ACSL4: variants seen among roughly 807,000 people sequenced by gnomAD.
ACSL4 encodes the protein long-chain-fatty-acid--CoA ligase 4.
Under a neutral mutation model 49.1 loss-of-function variants are expected in ACSL4, and 9 were observed. That is an observed-to-expected ratio of 0.18 (90% CI 0.11 to 0.32). The LOEUF (loss-of-function observed/expected upper bound fraction) is 0.32. ACSL4 is among the 10% of genes least tolerant of loss of function. The pLI, the probability that ACSL4 is intolerant of heterozygous loss-of-function variation, is 1.00. For synonymous variants in ACSL4, 191 were observed against 170.3 expected (o/e 1.12, Z -0.95); for missense variants, 333 against 493.7 (o/e 0.67, Z 3.08).
rs1000723429 is a variant in ACSL4, at chrX:109,644,532, C to A, written c.1856-346G>T. 1.3e-4 allele frequency among the ~76,000 whole-genome samples: 14 copies of A among 111,957 alleles called. No individual in the cohort carries two copies. The Admixed American group carries it at 1.3e-3, about 11-fold the overall frequency. On this transcript the variant is annotated intron_variant, in intron 15 of 15. Coordinates refer to ENST00000672401, the MANE Select transcript of ACSL4 (RefSeq NM_001318510.2). ...CACACACATACACACACATCTTCCTCTTCAGAGACTTTATATTTGCCTGAG... is the reference window on the plus strand; with the variant it reads ...CACACACATACACACACATCTTCCTATTCAGAGACTTTATATTTGCCTGAG...
chrX:109,671,068 G>A (rs761037512), intron 9 of ACSL4, among the ~76,000 whole-genome samples: 5 of 111,863 alleles, frequency 4.5e-5, no homozygotes, highest in East Asian at 2.9e-4. Context: ...AGTGAGGAGC[G>A]TCTCTGCCTG....
At chrX:109,677,082 C>A (rs1253653690) in intron 8 of ACSL4, among the ~76,000 whole-genome samples, 2 of 110,043 alleles carry the variant, frequency 1.8e-5, no homozygotes, top group Non-Finnish European at 3.8e-5. Context: ...GCCTCAGCCT[C>A]CCGAGTAGCT....
At chrX:109,725,107 A>G (rs1054157631) in intron 1 of ACSL4, among the ~76,000 whole-genome samples, 2 of 108,497 alleles carry the variant, frequency 1.8e-5, no homozygotes, top group Admixed American at 2.0e-4. Context: ...TAAAGACAGG[A>G]TCTCACTCTG....
At position 109,730,242 on chromosome X, in the gene ACSL4, T is replaced by TCTTACAACAAACTA. The variant is rs1365556096; in HGVS notation, c.-66+2896_-66+2897insTAGTTTGTTGTAAG. ...GCGTATTATTTCTTACAACTATATGTGAATCTACAACTATCTCAAAATAAA... is the reference window on the plus strand; with the variant it reads ...GCGTATTATTTCTTACAACTATATGTCTTACAACAAACTAGAATCTACAACTATCTCAAAATAAA... On this transcript the variant is annotated intron_variant, in intron 1 of 15. Transcript: ENST00000672401. Among the ~76,000 whole-genome samples, 353 of 112,219 alleles carry TCTTACAACAAACTA rather than the reference T, an allele frequency of 3.1e-3. 1 individual carries two copies. The highest frequency in any genetic ancestry group is 0.011 in the African/African-American group (327 of 30,882).
chrX:109,666,430 T>C (rs892630244), intron 11 of ACSL4, among the ~76,000 whole-genome samples: 1 of 111,384 alleles, frequency 9.0e-6, no homozygotes, highest in Non-Finnish European at 1.9e-5. Context: ...GCATTGTGTA[T>C]ATGTGGGGAA....
At chrX:109,688,543 GCTCT>G (rs1262877833) in intron 2 of ACSL4, among the ~76,000 whole-genome samples, 1 of 111,102 alleles carries the variant, frequency 9.0e-6, no homozygotes, top group Non-Finnish European at 1.9e-5. Context: ...GGTGTCTATG[GCTCT>G]CTGTCTCCCA....
chrX:109,646,146 A>G (rs376110458), intron 15 of ACSL4, among the ~76,000 whole-genome samples: 1 of 111,537 alleles, frequency 9.0e-6, no homozygotes, highest in Non-Finnish European at 1.9e-5. Context: ...GCAGGCCAAC[A>G]TTCAGATTCA....
At chrX:109,650,433 A>C (rs1934967135) in intron 15 of ACSL4, among the ~76,000 whole-genome samples, 1 of 104,373 alleles carries the variant, frequency 9.6e-6, no homozygotes, top group Non-Finnish European at 2.0e-5. Flanking sequence ...AAGAACAAAA[A>C]ACCAAACACC....
intron 15 of ACSL4, among the ~76,000 whole-genome samples, chrX:109,657,756 T>C (rs1019208508): frequency 8.9e-6 from 1 of 111,813 alleles, no homozygotes; most frequent in Admixed American, 9.4e-5. Context: ...CTGGGTCAAA[T>C]GGTATTTCTA....
At chrX:109,644,416 C>T (rs1282421485) in intron 15 of ACSL4, among the ~76,000 whole-genome samples, 2 of 110,592 alleles carry the variant, frequency 1.8e-5, no homozygotes, top group African/African-American at 6.6e-5. Flanking sequence ...TTATATTTCT[C>T]AAAGTATACC....
intron 1 of ACSL4, among the ~76,000 whole-genome samples, chrX:109,701,548 CTTTTTT>C (rs751217404): frequency 2.4e-5 from 2 of 82,533 alleles, no homozygotes; most frequent in African/African-American, 8.9e-5. Context: ...TCTTCTTTTT[CTTTTTT>C]TTTTTTTTTT....
chrX:109,672,079 TAAAAAAAAA>T (rs764711316), intron 9 of ACSL4, among the ~76,000 whole-genome samples: 1 of 37,389 alleles, frequency 2.7e-5, no homozygotes, highest in Non-Finnish European at 4.6e-5. Context: ...CAATAAATAC[TAAAAAAAAA>T]AAAAAAAAAA....
chrX:109,693,307 T>C (rs1311191025), intron 2 of ACSL4, among the ~76,000 whole-genome samples: 1 of 111,823 alleles, frequency 8.9e-6, no homozygotes, highest in African/African-American at 3.2e-5. Flanking sequence ...AAATAGATCT[T>C]AGAAGTGATT....
chrX:109,675,977 A>G (rs970963727), intron 8 of ACSL4, among the ~76,000 whole-genome samples: 1 of 111,799 alleles, frequency 8.9e-6, no homozygotes, highest in Non-Finnish European at 1.9e-5. Flanking sequence ...TGTCATACAA[A>G]GATTGTGTTT....
chrX:109,661,460 A>T, intron 14 of ACSL4, 71 bp downstream of exon 14: 1 of 758,433 alleles, frequency 1.3e-6, no homozygotes, highest in Admixed American at 2.3e-5. Flanking sequence ...CCCTTATGAT[A>T]ATATGTAATC....
chrX:109,671,740 C>G (rs1249098108), intron 9 of ACSL4, among the ~76,000 whole-genome samples: 2 of 112,130 alleles, frequency 1.8e-5, no homozygotes, highest in African/African-American at 6.5e-5. Context: ...AAGAAAAATT[C>G]TTCTGCCTTG....
At position 109,659,702 on chromosome X, in the gene ACSL4, T is replaced by C. The variant is rs1393825440; in HGVS notation, c.1698-191A>G. Among the ~76,000 whole-genome samples the C allele has an allele frequency of 1.4e-4, 15 of 110,844 alleles. No homozygotes were observed. The Admixed American group carries it at 1.4e-3, about 11-fold the overall frequency. On this transcript the variant is annotated intron_variant, in intron 14 of 15. Coordinates refer to ENST00000672401, the MANE Select transcript of ACSL4 (RefSeq NM_001318510.2). ...ATATAGACCAATGGAATAGAGAAAC[T>C]AGAAGTAAACCCTTGTATCTATGGA...
chrX:109,725,586 C>T (rs989577231), intron 1 of ACSL4, among the ~76,000 whole-genome samples: 5 of 109,981 alleles, frequency 4.5e-5, no homozygotes, highest in Admixed American at 3.9e-4. Flanking sequence ...CACGGTGAAA[C>T]CCTGTCTCTA....
Position 109,677,101 on chromosome X carries a change from A to T in ACSL4, c.930+887T>A, listed in dbSNP as rs1035150142. ...CAGCCTCCCGAGTAGCTGGGACTAC[A>T]GGCGCCCACCACCTCGCCCAGCTAA... On this transcript the variant is annotated intron_variant, in intron 8 of 15. Coordinates refer to ENST00000672401, the MANE Select transcript of ACSL4 (RefSeq NM_001318510.2). 6.4e-5 allele frequency among the ~76,000 whole-genome samples: 7 copies of T among 109,379 alleles called. No homozygotes were observed. The Admixed American group carries it at 6.8e-4, about 11-fold the overall frequency. The allele number at this position is 109,379 out of a possible 115,157, so 95.0% of individuals were successfully genotyped here.
Sources: allele counts gnomAD v4.1 joint callset (sites outside exome capture counted in the v4.1 genomes callset), GRCh38; gene constraint gnomAD v4.1.1; transcripts MANE v1.5; gene names NCBI Gene and HGNC (gene_info 2026-07-23, HGNC 2026-07-21).